Variants in SOX6 observed in about 807,000 individuals in gnomAD.
SOX6 encodes SRY-box transcription factor 6.
SOX6 carries 11 observed loss-of-function variants against 97.8 expected under a neutral mutation model. The observed-to-expected ratio is 0.11, with a 90% CI of 0.07 to 0.19. The LOEUF is 0.19. Ranked by LOEUF, SOX6 falls within the 10% of genes least tolerant of loss-of-function variation. SOX6 has a pLI of 1.00. For synonymous variants in SOX6, 360 were observed against 371.4 expected, an observed-to-expected ratio of 0.97 and a Z score of 0.35; for missense variants, 810 against 1,039.5, an observed-to-expected ratio of 0.78 and a Z score of 3.04.
intron 4 of SOX6, among the ~76,000 whole-genome samples, chr11:16,191,379 C>A (rs1285473390): frequency 6.6e-6 from 1 of 152,068 alleles, no homozygotes; most frequent in East Asian, 1.9e-4. Flanking sequence ...GAGCATTACT[C>A]GAGCCCAGGA....
chr11:16,695,828 T>C (rs1435978024), intron 3 of SOX6, among the ~76,000 whole-genome samples: 1 of 149,612 alleles, frequency 6.7e-6, no homozygotes. Flanking sequence ...TCTCTACCAA[T>C]AAGAAAAAAA....
intron 15 of SOX6, among the ~76,000 whole-genome samples, chr11:15,974,407 T>C (rs1853407826): frequency 3.0e-5 from 4 of 132,118 alleles, no homozygotes; most frequent in Non-Finnish European, 6.4e-5. Context: ...TTTTTTATTA[T>C]ACTCTAAGTT....
chr11:16,518,524 A>G (rs566538325), intron 4 of SOX6, among the ~76,000 whole-genome samples: 1 of 152,270 alleles, frequency 6.6e-6, no homozygotes, highest in African/African-American at 2.4e-5. Context: ...AGGGGAGAAG[A>G]CTTGTCTTAT....
chr11:16,203,460 T>A (rs1851991482), intron 4 of SOX6, among the ~76,000 whole-genome samples: 1 of 152,144 alleles, frequency 6.6e-6, no homozygotes, highest in Non-Finnish European at 1.5e-5. Context: ...GTAGGTAATA[T>A]ACTTTGAATT....
intron 4 of SOX6, among the ~76,000 whole-genome samples, chr11:16,545,336 T>A (rs1291491521): frequency 1.5e-5 from 2 of 130,426 alleles, no homozygotes; most frequent in African/African-American, 2.9e-5. Flanking sequence ...CAAAGTAAAG[T>A]CCAAGCCCAA....
At chr11:16,255,702 AGAG>A (rs1243171480) in intron 3 of SOX6, among the ~76,000 whole-genome samples, 2 of 151,936 alleles carry the variant, frequency 1.3e-5, no homozygotes, top group African/African-American at 4.8e-5. Flanking sequence ...GTACAAAGTA[AGAG>A]AAGAAAAGAA....
chr11:15,983,365 A>T (rs974680659), intron 15 of SOX6, among the ~76,000 whole-genome samples: 1 of 151,958 alleles, frequency 6.6e-6, no homozygotes. Context: ...GCTAAGTAAT[A>T]AAAAAAACTA....
chr11:16,137,382 C>T (rs764667479), intron 6 of SOX6, among the ~76,000 whole-genome samples: 13 of 152,104 alleles, frequency 8.5e-5, no homozygotes, highest in Non-Finnish European at 1.6e-4. Context: ...GCTGAGATCA[C>T]ACCACTGCAC....
chr11:16,152,117 C>A (rs1283551749), intron 6 of SOX6, among the ~76,000 whole-genome samples: 1 of 152,164 alleles, frequency 6.6e-6, no homozygotes, highest in African/African-American at 2.4e-5. Context: ...TTGACAAAAA[C>A]ATGTTCTTTC....
intron 3 of SOX6, among the ~76,000 whole-genome samples, chr11:16,623,163 G>A (rs1848569223): frequency 2.6e-5 from 4 of 152,022 alleles, no homozygotes; most frequent in Admixed American, 2.6e-4. Flanking sequence ...TGGGATTACA[G>A]GGGCGCGCCA....
chr11:16,007,816 T>C (rs1854602608), intron 13 of SOX6, among the ~76,000 whole-genome samples: 1 of 152,148 alleles, frequency 6.6e-6, no homozygotes, highest in Non-Finnish European at 1.5e-5. Context: ...TGTTGGTTTA[T>C]GTGAAGCAGA....
chr11:16,170,369 A>T (rs1224628103), intron 6 of SOX6, among the ~76,000 whole-genome samples: 6 of 152,072 alleles, frequency 3.9e-5, no homozygotes, highest in Admixed American at 3.9e-4. Context: ...AGTCTTAAAA[A>T]AAAAAAACCT....
chr11:16,372,114 T>A (rs1038070355), intron 1 of SOX6, among the ~76,000 whole-genome samples: 2 of 152,112 alleles, frequency 1.3e-5, no homozygotes, highest in Non-Finnish European at 2.9e-5. Context: ...CTTTTGTATC[T>A]GGCATTGTAT....
intron 15 of SOX6, among the ~76,000 whole-genome samples, chr11:15,980,327 T>C (rs1189327146): frequency 2.0e-5 from 3 of 152,064 alleles, no homozygotes; most frequent in Non-Finnish European, 4.4e-5. Flanking sequence ...GTGAGCTCTC[T>C]ACCCTTGGAA....
intron 1 of SOX6, among the ~76,000 whole-genome samples, chr11:16,433,252 A>C (rs1318765111): frequency 6.6e-6 from 1 of 151,934 alleles, no homozygotes; most frequent in African/African-American, 2.4e-5. Flanking sequence ...TTATTTTTCC[A>C]TTCTCTTCTC....
At chr11:16,664,828 G>A (rs1295170175) in intron 3 of SOX6, among the ~76,000 whole-genome samples, 2 of 151,908 alleles carry the variant, frequency 1.3e-5, no homozygotes, top group African/African-American at 4.8e-5. Flanking sequence ...AGGGTAAAGA[G>A]TACTTTGTCT....
At chr11:16,682,681 A>G (rs931980074) in intron 3 of SOX6, among the ~76,000 whole-genome samples, 2 of 152,244 alleles carry the variant, frequency 1.3e-5, no homozygotes, top group African/African-American at 4.8e-5. Flanking sequence ...CTGGCACAAA[A>G]CAAGGATGCC....
At chr11:16,092,342 G>A (rs969083816) in intron 9 of SOX6, among the ~76,000 whole-genome samples, 3 of 151,956 alleles carry the variant, frequency 2.0e-5, no homozygotes, top group Non-Finnish European at 1.5e-5. Flanking sequence ...GAACTGATAC[G>A]CTTCCTTCCA....
At chr11:16,358,436 A>C (rs777596301), upstream of SOX6, among the ~76,000 whole-genome samples, 4 of 152,154 alleles carry the variant, frequency 2.6e-5, no homozygotes, top group Non-Finnish European at 4.4e-5. Context: ...ACAGCAAACA[A>C]ACAGGGTAAC....
Sources: gnomAD v4.1 joint callset for allele counts (sites outside exome capture counted in the v4.1 genomes callset) on GRCh38, gnomAD v4.1.1 for gene constraint, MANE v1.5 for transcripts, NCBI Gene and HGNC (gene_info 2026-07-23, HGNC 2026-07-21) for gene names.